The following KCNQ1OT1 variants were observed in gnomAD, a reference collection of about 807,000 sequenced individuals.
KCNQ1OT1 encodes the protein KCNQ1 antisense RNA 2 (non-protein coding).
chr11:2,699,456 GCCGGGAGAGTGCCGCGCTGAGGAGCCC>G (rs1475356913), exon 1 of KCNQ1OT1: 42 of 397,168 alleles, frequency 1.1e-4, no homozygotes, highest in Non-Finnish European at 1.4e-4. Context: ...CTGAGGAGCC[GCCGGGAGAGTGCCGCGCTGAGGAGCCC>G]CCGGGGAGAG....
At position 2,641,686 on chromosome 11, in the gene KCNQ1OT1, T is replaced by A. The variant is rs1406850621; in HGVS notation, n.58309A>T. On this transcript the variant is annotated non_coding_transcript_exon_variant, in exon 1 of 1. Transcript: ENST00000597346. ...TTTGTTTTTGTCTGTGTTTTTGAGG[T>A]CTTATCCATAAAATCTTTCCCTAGA... The A allele has an allele frequency of 4.8e-5, 19 of 398,402 alleles. No individual in the cohort carries two copies. In the Middle Eastern group the frequency reaches 1.9e-3, roughly 40 times the overall value. 24.7% of individuals were successfully genotyped at this position (398,402 alleles called of 1,614,324 possible).
At chr11:2,675,861 G>A in exon 1 of KCNQ1OT1, 1 of 398,720 alleles carries the variant, frequency 2.5e-6, no homozygotes, top group Non-Finnish European at 4.4e-6. Context: ...GCCAACACCT[G>A]CCTTCTGGGG....
Position 2,664,778 on chromosome 11 carries a change from G to A in KCNQ1OT1, n.35217C>T. The A allele has an allele frequency of 5.0e-6, 2 of 398,754 alleles. No homozygotes were observed. The highest frequency in any genetic ancestry group is 8.8e-6 in the Non-Finnish European group (2 of 226,170). 24.7% of individuals were successfully genotyped at this position (398,754 alleles called of 1,614,324 possible). A position where few individuals can be genotyped will look rare whatever the true frequency, so the allele number is the denominator to read the frequency against. On this transcript the variant is annotated non_coding_transcript_exon_variant, in exon 1 of 1. Transcript: ENST00000597346. This position sits in a 1 kb window ranked among gnomAD's most constrained non-coding sequence, Gnocchi z 5.1. ...GGGTCTCACAGGGGGCAGAGTGGGT[G>A]GGAGGCAGTTACCAAAAAACATTTC...
In KCNQ1OT1 at chr11:2,653,798, C is replaced by T. The variant is rs1411485158; in HGVS notation, n.46197G>A. 1.3e-5 allele frequency: 5 copies of T among 398,528 alleles called. No individual in the cohort carries two copies. Among genetic ancestry groups the T allele is most frequent in the African/African-American group, 2.1e-5 (1 of 48,628 alleles). 24.7% of individuals were successfully genotyped at this position (398,528 alleles called of 1,614,324 possible). On this transcript the variant is annotated non_coding_transcript_exon_variant, in exon 1 of 1. Transcript: ENST00000597346. The surrounding 1 kb of genome is among the most constrained non-coding windows in gnomAD (Gnocchi z 5.3). The stretch of plus-strand genomic sequence containing the variant: ...ATCCTTGGACCTGCAGCTGTACCTC[C>T]GATGGCTGAGGCAAGGTCCACAGGG...
exon 1 of KCNQ1OT1, chr11:2,699,758 G>C: frequency 2.8e-6 from 1 of 358,844 alleles, no homozygotes. Context: ...CCAGAAGAGC[G>C]CCGCGCTGAG....
chr11:2,652,077 G>A lies in KCNQ1OT1; in HGVS notation n.47918C>T, dbSNP rs2133844023. On this transcript the variant is annotated non_coding_transcript_exon_variant, in exon 1 of 1. Coordinates refer to ENST00000597346, the Ensembl canonical transcript of KCNQ1OT1. The surrounding 1 kb of genome is among the most constrained non-coding windows in gnomAD (Gnocchi z 5.9). ...TCCAGGCTCCAATTTGAGAAGCTAT[G>A]GGGAGCCTCTCGGCCCCAGTTCTGG... The A allele has an allele frequency of 2.5e-6, 1 of 398,692 alleles. No individual in the cohort carries two copies. Among genetic ancestry groups the A allele is most frequent in the East Asian group, 3.6e-5 (1 of 28,060 alleles). The allele number at this position is 398,692 out of a possible 1,614,324, so 24.7% of individuals were successfully genotyped here.
Position 2,645,538 on chromosome 11 carries a change from G to A in KCNQ1OT1, n.54457C>T, listed in dbSNP as rs894155382. On this transcript the variant is annotated non_coding_transcript_exon_variant, in exon 1 of 1. Coordinates refer to ENST00000597346, the Ensembl canonical transcript of KCNQ1OT1. The surrounding 1 kb of genome is among the most constrained non-coding windows in gnomAD (Gnocchi z 5.8). ...GCAGCCCTACTCCTGGGGAAGTTGAGTGGGATTGCTTTCAGTGGCAGCAGC... is the reference window on the plus strand; with the variant it reads ...GCAGCCCTACTCCTGGGGAAGTTGAATGGGATTGCTTTCAGTGGCAGCAGC... 6 of 398,658 alleles carry A rather than the reference G, an allele frequency of 1.5e-5. No individual in the cohort carries two copies. In the East Asian group the frequency reaches 1.8e-4, roughly 12 times the overall value. 24.7% of individuals were successfully genotyped at this position (398,658 alleles called of 1,614,324 possible). A position where few individuals can be genotyped will look rare whatever the true frequency, so the allele number is the denominator to read the frequency against.
At chr11:2,625,759 C>T (rs540215553) in exon 1 of KCNQ1OT1, 74 of 397,530 alleles carry the variant, frequency 1.9e-4, no homozygotes, top group South Asian at 1.4e-4. Context: ...TTAGTAGAGA[C>T]GGGGTTTCAC....
At chr11:2,662,931 T>C (rs997804046) in exon 1 of KCNQ1OT1, 4 of 398,514 alleles carry the variant, frequency 1.0e-5, no homozygotes, top group African/African-American at 2.1e-5. Flanking sequence ...GAGCCATGTG[T>C]GTCTTTGTCG....
exon 1 of KCNQ1OT1, chr11:2,635,809 C>A (rs918301904): frequency 1.3e-5 from 2 of 152,194 alleles, no homozygotes; most frequent in Admixed American, 6.5e-5. Flanking sequence ...TTCTCCCTAT[C>A]CATGAGCATG....
chr11:2,695,453 G>C lies in KCNQ1OT1; in HGVS notation n.4542C>G, dbSNP rs1271830774. On this transcript the variant is annotated non_coding_transcript_exon_variant, in exon 1 of 1. Transcript: ENST00000597346. The surrounding 1 kb of genome is among the most constrained non-coding windows in gnomAD (Gnocchi z 5.2). ...TTCTGTTTGGCATTTGTGTCACTCA[G>C]CACTGTGTTTCCACGCGTCTCTATC... is the stretch of plus-strand genomic sequence containing the variant. The C allele has an allele frequency of 2.5e-6, 1 of 398,454 alleles. No homozygotes were observed. The highest frequency in any genetic ancestry group is 4.4e-6 in the Non-Finnish European group (1 of 226,116). 24.7% of individuals were successfully genotyped at this position (398,454 alleles called of 1,614,324 possible).
rs1849798988 is a variant in KCNQ1OT1 at position 2,654,085 on chromosome 11, CCTTA to C, written n.45906_45909del. On this transcript the variant is annotated non_coding_transcript_exon_variant, in exon 1 of 1. Transcript: ENST00000597346. The surrounding 1 kb of genome is among the most constrained non-coding windows in gnomAD (Gnocchi z 6.4). ...GGCTTTTACACTTTCCATCCATGTCCCTTACTTCTCGCCTCTGAGTGGAGACACA... is the reference window on the plus strand; with the variant it reads ...GGCTTTTACACTTTCCATCCATGTCCCTTCTCGCCTCTGAGTGGAGACACA... 1.5e-5 allele frequency: 6 copies of C among 398,774 alleles called. No homozygotes were observed. The highest frequency in any genetic ancestry group is 6.3e-4 in the Middle Eastern group (1 of 1,588). 24.7% of individuals were successfully genotyped at this position (398,774 alleles called of 1,614,324 possible). A position where few individuals can be genotyped will look rare whatever the true frequency, so the allele number is the denominator to read the frequency against.
chr11:2,686,710 G>A (rs988069417), exon 1 of KCNQ1OT1: 6 of 398,536 alleles, frequency 1.5e-5, no homozygotes, highest in South Asian at 1.3e-4. Flanking sequence ...AGGCTGGGAA[G>A]TCCTACTCGG....
At position 2,671,096 on chromosome 11, in the gene KCNQ1OT1, GTTA is replaced by G; in HGVS notation, n.28896_28898del. On this transcript the variant is annotated non_coding_transcript_exon_variant, in exon 1 of 1. Coordinates refer to ENST00000597346, the Ensembl canonical transcript of KCNQ1OT1. This position sits in a 1 kb window ranked among gnomAD's most constrained non-coding sequence, Gnocchi z 4.7. The stretch of plus-strand genomic sequence containing the variant: ...CTGGCTAGCAGGAGGAAGTCTGGCA[GTTA>G]GTCTGAGCAGTTAGTCTGTCAGGCC... The G allele has an allele frequency of 7.9e-6, 1 of 126,242 alleles. No homozygotes were observed. 7.8% of individuals were successfully genotyped at this position (126,242 alleles called of 1,614,324 possible).
chr11:2,692,194 G>T, exon 1 of KCNQ1OT1: 1 of 398,802 alleles, frequency 2.5e-6, no homozygotes, highest in Non-Finnish European at 4.4e-6. Context: ...AAGTTCTGGG[G>T]TCATTTCCGA....
Position 2,678,029 on chromosome 11 carries a change from T to C in KCNQ1OT1, n.21966A>G. 2.5e-6 allele frequency: 1 copy of C among 396,498 alleles called. No individual in the cohort carries two copies. The highest frequency in any genetic ancestry group is 4.4e-5 in the Admixed American group (1 of 22,490). 24.6% of individuals were successfully genotyped at this position (396,498 alleles called of 1,614,324 possible). On this transcript the variant is annotated non_coding_transcript_exon_variant, in exon 1 of 1. Transcript: ENST00000597346. This position sits in a 1 kb window ranked among gnomAD's most constrained non-coding sequence, Gnocchi z 4.9. ...AAATGCTTAAAATCATTTGTTTTTC[T>C]TTCTTGTGAACTATTTCTTCATACC...
In KCNQ1OT1 at chr11:2,687,312, G is replaced by T; in HGVS notation, n.12683C>A. 1 of 398,676 alleles carries T rather than the reference G, an allele frequency of 2.5e-6. No individual in the cohort carries two copies. Among genetic ancestry groups the T allele is most frequent in the Admixed American group, 4.4e-5 (1 of 22,742 alleles). The allele number at this position is 398,676 out of a possible 1,614,324, so 24.7% of individuals were successfully genotyped here. On this transcript the variant is annotated non_coding_transcript_exon_variant, in exon 1 of 1. Transcript: ENST00000597346. This position sits in a 1 kb window ranked among gnomAD's most constrained non-coding sequence, Gnocchi z 5.0. ...GCTTTGAGATCCCAGGCCTCTCAGG[G>T]CTCTGGCTGAGGGCTGTGAGCCAGA...
chr11:2,694,669 C>G (rs1018334069), exon 1 of KCNQ1OT1: 2 of 398,644 alleles, frequency 5.0e-6, no homozygotes, highest in Non-Finnish European at 8.8e-6. Flanking sequence ...TGTGCGGACC[C>G]TATACGGAAG....
chr11:2,689,035 AG>A, exon 1 of KCNQ1OT1: 1 of 398,812 alleles, frequency 2.5e-6, no homozygotes, highest in Non-Finnish European at 4.4e-6. Context: ...CCTGGGCTGC[AG>A]GGTTTTGAGG....
Sources: gnomAD v4.1 joint callset for allele counts on GRCh38, gnomAD v4.1.1 for gene constraint, Gnocchi (gnomAD v3.1) non-coding constraint, MANE v1.5 for transcripts, NCBI Gene and HGNC (gene_info 2026-07-23, HGNC 2026-07-21) for gene names.